Variants in WNK3 observed in about 807,000 individuals in gnomAD.
The protein encoded by WNK3 is WNK lysine deficient protein kinase 3, also known as serine/threonine-protein kinase WNK3.
Under a neutral mutation model 116.7 loss-of-function variants are expected in WNK3, and 18 were observed. The observed-to-expected ratio is 0.15, with a 90% CI of 0.11 to 0.23. WNK3 has a LOEUF of 0.23. Ranked by LOEUF, WNK3 falls within the 10% of genes least tolerant of loss-of-function variation. The pLI is 1.00. For synonymous variants in WNK3, 404 were observed against 469.4 expected, an observed-to-expected ratio of 0.86 and a Z score of 1.80; for missense variants, 993 against 1,323.8, an observed-to-expected ratio of 0.75 and a Z score of 3.88.
intron 2 of WNK3, among the ~76,000 whole-genome samples, chrX:54,330,031 G>A (rs782058797): frequency 1.8e-5 from 2 of 111,549 alleles, no homozygotes; most frequent in Non-Finnish European, 3.8e-5. Flanking sequence ...CTTGAGCCTA[G>A]AAGTGTGAGA....
intron 20 of WNK3, among the ~76,000 whole-genome samples, chrX:54,233,566 A>G (rs1276362654): frequency 9.0e-6 from 1 of 110,904 alleles, no homozygotes; most frequent in Non-Finnish European, 1.9e-5. Flanking sequence ...TGCCTTCCTA[A>G]GCATAACATT....
chrX:54,307,043 C>T (rs1396260794), intron 5 of WNK3, among the ~76,000 whole-genome samples: 1 of 109,478 alleles, frequency 9.1e-6, no homozygotes, highest in African/African-American at 3.3e-5. Context: ...TCCTGGCCAA[C>T]ATGGTGAAAC....
chrX:54,203,111 A>T (rs782478872), intron 22 of WNK3, among the ~76,000 whole-genome samples: 53 of 112,438 alleles, frequency 4.7e-4, no homozygotes, highest in South Asian at 1.1e-3. Flanking sequence ...ATGAATGTGT[A>T]TCTAGAATAG....
intron 10 of WNK3, among the ~76,000 whole-genome samples, chrX:54,269,023 T>C (rs1011572646): frequency 1.8e-5 from 2 of 111,353 alleles, no homozygotes; most frequent in Non-Finnish European, 3.8e-5. Context: ...TCACCAATAT[T>C]GGGACAAACT....
intron 22 of WNK3, among the ~76,000 whole-genome samples, chrX:54,211,732 C>CG (rs782294972): frequency 1.6e-3 from 173 of 108,741 alleles, no homozygotes; most frequent in African/African-American, 5.6e-3. Context: ...CGCTTGAGCC[C>CG]GGGAGGCGGA....
intron 1 of WNK3, among the ~76,000 whole-genome samples, chrX:54,349,887 T>A (rs2069490443): frequency 9.1e-6 from 1 of 110,210 alleles, no homozygotes; most frequent in Non-Finnish European, 1.9e-5. Flanking sequence ...CTTTAAAAAA[T>A]AAAAAATTTA....
At chrX:54,252,762 G>A (rs782182190) in intron 13 of WNK3, among the ~76,000 whole-genome samples, 6 of 109,633 alleles carry the variant, frequency 5.5e-5, no homozygotes, top group East Asian at 2.9e-4. Context: ...AAAATATTAC[G>A]TTAAACAAGA....
chrX:54,305,745 C>T (rs782284275), intron 5 of WNK3, among the ~76,000 whole-genome samples: 1 of 110,255 alleles, frequency 9.1e-6, no homozygotes, highest in Admixed American at 9.9e-5. Flanking sequence ...GCACCTATCT[C>T]GTAGGGGATA....
intron 23 of WNK3, among the ~76,000 whole-genome samples, chrX:54,201,725 C>T (rs1217511980): frequency 8.9e-6 from 1 of 112,105 alleles, no homozygotes; most frequent in Non-Finnish European, 1.9e-5. Flanking sequence ...GCTGCTTTTG[C>T]ACTATAACAG....
chrX:54,281,781 T>G (rs2068518924), intron 10 of WNK3, among the ~76,000 whole-genome samples: 1 of 111,323 alleles, frequency 9.0e-6, no homozygotes, highest in African/African-American at 3.3e-5. Flanking sequence ...TTCCTGAATT[T>G]CCTTCTTTGT....
intron 17 of WNK3, among the ~76,000 whole-genome samples, chrX:54,247,911 C>T (rs939292079): frequency 3.6e-5 from 4 of 110,933 alleles, no homozygotes; most frequent in Non-Finnish European, 5.7e-5. Context: ...TTTGAAGGGG[C>T]AGAAAAGGAA....
intron 5 of WNK3, among the ~76,000 whole-genome samples, chrX:54,306,878 T>G (rs1404478989): frequency 5.4e-5 from 6 of 111,384 alleles, no homozygotes; most frequent in South Asian, 3.8e-4. Flanking sequence ...TGTGTGTATC[T>G]CAAAACATCA....
chrX:54,269,832 G>GATAT (rs199662952), intron 10 of WNK3, among the ~76,000 whole-genome samples: 1 of 109,060 alleles, frequency 9.2e-6, no homozygotes, highest in Non-Finnish European at 1.9e-5. Context: ...ATTTCATGAA[G>GATAT]ATATATATAT....
chrX:54,307,733 G>A (rs1309466557), intron 5 of WNK3, among the ~76,000 whole-genome samples, 189 bp downstream of exon 5: 3 of 110,994 alleles, frequency 2.7e-5, no homozygotes, highest in Admixed American at 1.9e-4. Context: ...TACTAATACA[G>A]AGCATTTTAT....
At chrX:54,217,422 C>G (rs1239704837) in intron 22 of WNK3, among the ~76,000 whole-genome samples, 1 of 107,275 alleles carries the variant, frequency 9.3e-6, no homozygotes, top group East Asian at 2.9e-4. Context: ...GAGATCAAGA[C>G]TATCCTGGCC....
intron 5 of WNK3, among the ~76,000 whole-genome samples, chrX:54,302,459 C>A (rs1370033781): frequency 9.2e-6 from 1 of 108,866 alleles, no homozygotes; most frequent in East Asian, 2.9e-4. Context: ...CCACCAAGCC[C>A]GGCTAATTTT....
intron 2 of WNK3, among the ~76,000 whole-genome samples, chrX:54,331,164 C>T (rs1437094751): frequency 6.4e-5 from 7 of 109,934 alleles, no homozygotes; most frequent in African/African-American, 9.9e-5. Context: ...CCATGGCACA[C>T]GTTTACCTAT....
intron 2 of WNK3, among the ~76,000 whole-genome samples, chrX:54,330,701 G>A (rs1490344248): frequency 2.7e-5 from 3 of 111,803 alleles, no homozygotes; most frequent in Admixed American, 9.5e-5. Flanking sequence ...TCCCAGCACC[G>A]TGGGAGGCCA....
intron 10 of WNK3, among the ~76,000 whole-genome samples, chrX:54,286,049 T>G (rs184676429): frequency 1.3e-4 from 15 of 111,723 alleles, no homozygotes; most frequent in African/African-American, 4.9e-4. Flanking sequence ...TTTCCAATAT[T>G]CTGTATATCT....
Sources: gnomAD v4.1 joint callset for allele counts (sites outside exome capture counted in the v4.1 genomes callset) on GRCh38, gnomAD v4.1.1 for gene constraint, MANE v1.5 for transcripts, NCBI Gene and HGNC (gene_info 2026-07-23, HGNC 2026-07-21) for gene names.